Variants in DPP10 observed in about 807,000 individuals in gnomAD.
The protein encoded by DPP10 is dipeptidyl peptidase like 10, also known as inactive dipeptidyl peptidase 10.
Under a neutral mutation model 120.9 loss-of-function variants are expected in DPP10, and 33 were observed. The ratio of observed to expected loss-of-function variants is 0.27; its 90% CI spans 0.21 to 0.37. The LOEUF (loss-of-function observed/expected upper bound fraction) is 0.37. DPP10 is among the 10% of genes least tolerant of loss of function. The pLI is 1.00. For synonymous variants in DPP10, 337 were observed against 326.1 expected (o/e 1.03, Z -0.36); for missense variants, 816 against 942.8 (o/e 0.87, Z 1.76).
chr2:114,587,157 C>A (rs190991764), intron 1 of DPP10, among the ~76,000 whole-genome samples: 1 of 151,832 alleles, frequency 6.6e-6, no homozygotes, highest in South Asian at 2.1e-4. Flanking sequence ...AAAAATTAGC[C>A]GGGCATGGTG....
intron 1 of DPP10, among the ~76,000 whole-genome samples, chr2:115,185,026 C>T (rs867917626): frequency 1.3e-5 from 2 of 151,926 alleles, no homozygotes; most frequent in South Asian, 2.1e-4. Context: ...ATAAAATAAG[C>T]GATAGTAGGA....
chr2:114,994,061 C>T (rs184949075), intron 1 of DPP10, among the ~76,000 whole-genome samples: 45 of 152,224 alleles, frequency 3.0e-4, no homozygotes, highest in African/African-American at 1.0e-3. Flanking sequence ...CAAACAGTGA[C>T]TTCGTTTTCA....
At chr2:114,690,007 C>A (rs935988208) in intron 1 of DPP10, among the ~76,000 whole-genome samples, 13 of 151,740 alleles carry the variant, frequency 8.6e-5, no homozygotes, top group African/African-American at 3.1e-4. Flanking sequence ...GGATAGATTG[C>A]AAAATTTTCT....
intron 8 of DPP10, among the ~76,000 whole-genome samples, chr2:115,730,461 C>G (rs1017441678): frequency 2.0e-5 from 3 of 152,012 alleles, no homozygotes; most frequent in Non-Finnish European, 4.4e-5. Flanking sequence ...GGGCATTGAA[C>G]CACGTACTGA....
At chr2:114,659,825 A>G (rs1337812990) in intron 1 of DPP10, among the ~76,000 whole-genome samples, 7 of 152,182 alleles carry the variant, frequency 4.6e-5, no homozygotes, top group Admixed American at 4.6e-4. Flanking sequence ...AGACACTTAG[A>G]TGTACATACA....
chr2:114,906,545 G>A (rs932308845), intron 1 of DPP10, among the ~76,000 whole-genome samples: 22 of 151,894 alleles, frequency 1.4e-4, no homozygotes, highest in Admixed American at 6.6e-4. Context: ...CTAGTTTTCC[G>A]TGTTCATTAA....
At chr2:114,969,547 G>C (rs1699256788) in intron 1 of DPP10, among the ~76,000 whole-genome samples, 1 of 152,180 alleles carries the variant, frequency 6.6e-6, no homozygotes, top group African/African-American at 2.4e-5. Context: ...CCCTTGGATT[G>C]ATACTTCCAA....
chr2:114,524,163 G>C (rs1450662158), intron 1 of DPP10, among the ~76,000 whole-genome samples: 1 of 152,208 alleles, frequency 6.6e-6, no homozygotes, highest in African/African-American at 2.4e-5. Context: ...GATCCAGGGG[G>C]TTTTCAAGAA....
At position 115,623,102 on chromosome 2, in the gene DPP10, C is replaced by A. The variant is rs547642828; in HGVS notation, c.442-66585C>A. ...CCTCGTGATCCGCCCGCCTCGGCCT[C>A]CCAAAGTGCTGGGATTACAGGCGTG... On this transcript the variant is annotated intron_variant, in intron 5 of 25. Coordinates refer to ENST00000410059, the MANE Select transcript of DPP10 (RefSeq NM_020868.6). Among the ~76,000 whole-genome samples, 7 of 152,272 alleles carry A rather than the reference C, an allele frequency of 4.6e-5. No homozygotes were observed. The South Asian group carries it at 1.4e-3, about 32-fold the overall frequency.
intron 3 of DPP10, among the ~76,000 whole-genome samples, chr2:115,383,178 C>G (rs2066551524): frequency 1.3e-5 from 2 of 152,266 alleles, no homozygotes; most frequent in Non-Finnish European, 2.9e-5. Context: ...TGTACCCACC[C>G]AAATCTCATC....
intron 1 of DPP10, among the ~76,000 whole-genome samples, chr2:114,704,612 C>T (rs1012067578): frequency 6.6e-5 from 10 of 152,246 alleles, no homozygotes; most frequent in African/African-American, 2.2e-4. Context: ...TGGTATCCCT[C>T]AATAATATTA....
At chr2:115,026,328 A>C (rs1388558880) in intron 1 of DPP10, among the ~76,000 whole-genome samples, 1 of 152,072 alleles carries the variant, frequency 6.6e-6, no homozygotes, top group East Asian at 1.9e-4. Flanking sequence ...AGTTGGGTAT[A>C]AATGTATGGA....
intron 2 of DPP10, among the ~76,000 whole-genome samples, chr2:115,318,669 T>C (rs2061915277): frequency 6.6e-6 from 1 of 152,172 alleles, no homozygotes. Flanking sequence ...TAGTTTATTC[T>C]TCTTTATGAT....
At chr2:115,732,534 C>T (rs913266498) in intron 8 of DPP10, among the ~76,000 whole-genome samples, 1 of 152,060 alleles carries the variant, frequency 6.6e-6, no homozygotes, top group Non-Finnish European at 1.5e-5. Flanking sequence ...GCACAAAACA[C>T]GTATAATGTT....
At chr2:115,319,267 C>G (rs1457478466) in intron 2 of DPP10, among the ~76,000 whole-genome samples, 1 of 152,078 alleles carries the variant, frequency 6.6e-6, no homozygotes, top group Non-Finnish European at 1.5e-5. Flanking sequence ...ATGTATAAGC[C>G]TCTTCATATG....
intron 1 of DPP10, among the ~76,000 whole-genome samples, chr2:114,978,868 A>G (rs1699914639): frequency 6.6e-6 from 1 of 152,162 alleles, no homozygotes; most frequent in Non-Finnish European, 1.5e-5. Context: ...TCAACAATAT[A>G]AGAATTATAG....
chr2:115,637,267 T>C (rs544051007), intron 5 of DPP10, among the ~76,000 whole-genome samples: 18 of 152,176 alleles, frequency 1.2e-4, no homozygotes, highest in African/African-American at 4.1e-4. Context: ...AGAGGAAAAA[T>C]ATCTTTCAAA....
At chr2:115,113,628 A>C (rs1160788749) in intron 1 of DPP10, among the ~76,000 whole-genome samples, 3 of 152,166 alleles carry the variant, frequency 2.0e-5, no homozygotes, top group Admixed American at 2.0e-4. Context: ...GAAGAGGACT[A>C]GGTTTCCAGT....
chr2:115,221,551 A>G (rs1235735673), intron 1 of DPP10, among the ~76,000 whole-genome samples: 2 of 152,122 alleles, frequency 1.3e-5, no homozygotes, highest in Non-Finnish European at 2.9e-5. Flanking sequence ...TAAAATATTT[A>G]CTATCTGGCC....
Sources: gnomAD v4.1 joint callset for allele counts (sites outside exome capture counted in the v4.1 genomes callset) on GRCh38, gnomAD v4.1.1 for gene constraint, MANE v1.5 for transcripts, NCBI Gene and HGNC (gene_info 2026-07-23, HGNC 2026-07-21) for gene names.